Variants in CSMD2 observed in about 807,000 individuals in gnomAD.
CSMD2 encodes CUB and Sushi multiple domains 2.
A neutral mutation model predicts 398.5 loss-of-function variants in CSMD2; 130 were observed. That is an observed-to-expected ratio of 0.33 (90% CI 0.28 to 0.38). The LOEUF (loss-of-function observed/expected upper bound fraction) is 0.38, where lower values mean the gene tolerates loss of function less well. CSMD2 is among the 10% of genes least tolerant of loss of function. CSMD2 has a pLI of 1.00. For synonymous variants in CSMD2, 1,828 were observed against 1,908.5 expected, an observed-to-expected ratio of 0.96 and a Z score of 1.10; for missense variants, 3,829 against 4,764.9, an observed-to-expected ratio of 0.80 and a Z score of 5.78.
chr1:33,922,966 C>T (rs1265919282), intron 4 of CSMD2, among the ~76,000 whole-genome samples: 2 of 152,264 alleles, frequency 1.3e-5, no homozygotes, highest in East Asian at 3.9e-4. Context: ...TTATGGAATA[C>T]ACTGTGATGT....
At chr1:34,044,126 T>G (rs1652202736) in intron 2 of CSMD2, among the ~76,000 whole-genome samples, 1 of 152,156 alleles carries the variant, frequency 6.6e-6, no homozygotes, top group Non-Finnish European at 1.5e-5. Flanking sequence ...TGAGTCCTAA[T>G]AAATCATGCG....
intron 10 of CSMD2, among the ~76,000 whole-genome samples, chr1:33,796,094 TA>T (rs2124896108): frequency 6.6e-6 from 1 of 152,364 alleles, no homozygotes; most frequent in South Asian, 2.1e-4. Context: ...AACAAAACTT[TA>T]TTTACAAAAC....
intron 3 of CSMD2, among the ~76,000 whole-genome samples, chr1:33,939,108 T>C (rs1246071694): frequency 6.6e-6 from 1 of 151,018 alleles, no homozygotes; most frequent in Non-Finnish European, 1.5e-5. Flanking sequence ...TACTTGGTGT[T>C]TCCCATGATC....
At chr1:33,644,162 TA>T (rs1350406801) in intron 29 of CSMD2, among the ~76,000 whole-genome samples, 1 of 146,236 alleles carries the variant, frequency 6.8e-6, no homozygotes, top group African/African-American at 2.7e-5. Context: ...GGTTTAGACC[TA>T]AAGACCCCTC....
intron 66 of CSMD2, among the ~76,000 whole-genome samples, chr1:33,524,609 C>T (rs1259495028): frequency 1.3e-5 from 2 of 151,946 alleles, no homozygotes; most frequent in African/African-American, 4.8e-5. Context: ...AAGTCTCTGC[C>T]CCTATTTTTG....
chr1:34,133,728 T>C (rs1336827150), intron 1 of CSMD2, among the ~76,000 whole-genome samples: 1 of 152,034 alleles, frequency 6.6e-6, no homozygotes, highest in Admixed American at 6.6e-5. Context: ...ATAGTACATC[T>C]TGCTACTTAG....
intron 1 of CSMD2, among the ~76,000 whole-genome samples, chr1:34,124,749 C>T (rs1008112922): frequency 7.2e-5 from 11 of 152,108 alleles, no homozygotes. Context: ...CAAAAGCAGA[C>T]AAAATCAGCC....
chr1:33,867,015 G>A (rs1002909175), intron 5 of CSMD2, among the ~76,000 whole-genome samples: 11 of 152,236 alleles, frequency 7.2e-5, no homozygotes, highest in African/African-American at 2.4e-4. Flanking sequence ...CTTTCTTGGT[G>A]TTCACACCCT....
intron 3 of CSMD2, among the ~76,000 whole-genome samples, chr1:34,024,850 C>T (rs1649414488): frequency 6.6e-6 from 1 of 152,200 alleles, no homozygotes; most frequent in South Asian, 2.1e-4. Flanking sequence ...TTTGAGATGT[C>T]TGCATCATGT....
chr1:33,827,018 A>G (rs1479564108), intron 6 of CSMD2, among the ~76,000 whole-genome samples: 2 of 152,026 alleles, frequency 1.3e-5, no homozygotes, highest in African/African-American at 2.4e-5. Flanking sequence ...CCCACACACA[A>G]TCCATCAGAA....
At chr1:33,899,182 C>T (rs755272819) in intron 5 of CSMD2, among the ~76,000 whole-genome samples, 32 of 152,236 alleles carry the variant, frequency 2.1e-4, no homozygotes, top group Non-Finnish European at 2.8e-4. Flanking sequence ...CCCACGCTCA[C>T]CAGGGCTGGC....
At chr1:33,864,517 C>T (rs200068510) in intron 5 of CSMD2, 1 of 1,614,122 alleles carries the variant, frequency 6.2e-7, no homozygotes, top group Non-Finnish European at 8.5e-7. Context: ...GACCACTATG[C>T]TCAGCTGAAG....
chr1:34,094,647 C>A (rs903563101), intron 1 of CSMD2, among the ~76,000 whole-genome samples: 1 of 152,042 alleles, frequency 6.6e-6, no homozygotes, highest in Non-Finnish European at 1.5e-5. Flanking sequence ...CAACAAAGAT[C>A]AAAAGAGACA....
At chr1:33,663,953 G>A (rs1281915339) in intron 25 of CSMD2, among the ~76,000 whole-genome samples, 2 of 152,060 alleles carry the variant, frequency 1.3e-5, no homozygotes, top group East Asian at 3.8e-4. Context: ...CATTTGTCAC[G>A]ACTAAGAAAG....
intron 1 of CSMD2, among the ~76,000 whole-genome samples, chr1:34,089,580 G>C (rs1274156020): frequency 2.0e-5 from 3 of 152,104 alleles, no homozygotes; most frequent in African/African-American, 7.2e-5. Flanking sequence ...CTGGCTCTCA[G>C]CTAATTCCTC....
intron 5 of CSMD2, among the ~76,000 whole-genome samples, chr1:33,909,613 T>C (rs1366755346): frequency 2.6e-5 from 4 of 152,034 alleles, no homozygotes; most frequent in African/African-American, 9.7e-5. Context: ...TGAATGATGA[T>C]GGAGAGATGC....
chr1:33,647,198 T>C (rs1475316303), intron 28 of CSMD2, among the ~76,000 whole-genome samples: 1 of 152,190 alleles, frequency 6.6e-6, no homozygotes. Context: ...CTGACACTAA[T>C]GTCCTTATAC....
chr1:33,630,850 T>C (rs1441896803), intron 32 of CSMD2, among the ~76,000 whole-genome samples: 2 of 152,158 alleles, frequency 1.3e-5, no homozygotes. Context: ...TGATGAGCTA[T>C]TTAAAAAGTA....
chr1:33,982,511 G>A (rs1378947880), intron 3 of CSMD2, among the ~76,000 whole-genome samples: 2 of 152,216 alleles, frequency 1.3e-5, no homozygotes, highest in African/African-American at 4.8e-5. Flanking sequence ...TTCTTGGACT[G>A]GGAGTATTTT....
Sources: allele counts gnomAD v4.1 joint callset (sites outside exome capture counted in the v4.1 genomes callset), GRCh38; gene constraint gnomAD v4.1.1; transcripts MANE v1.5; gene names NCBI Gene and HGNC (gene_info 2026-07-23, HGNC 2026-07-21).